Variants in ST6GALNAC3 observed in about 807,000 individuals in gnomAD.
ST6GALNAC3 encodes the protein alpha-N-acetylgalactosaminide alpha-2,6-sialyltransferase 3.
Under a neutral mutation model 32.7 loss-of-function variants are expected in ST6GALNAC3, and 25 were observed. The observed-to-expected ratio is 0.76, with a 90% confidence interval of 0.56 to 1.07. ST6GALNAC3 has a LOEUF of 1.07. Ranked by LOEUF, ST6GALNAC3 falls within the 50% of genes least tolerant of loss-of-function variation. The pLI, the probability that ST6GALNAC3 is intolerant of heterozygous loss-of-function variation, is 0.00. For synonymous variants in ST6GALNAC3, 129 were observed against 133.1 expected (o/e 0.97, Z 0.21); for missense variants, 355 against 382.4 (o/e 0.93, Z 0.60).
intron 1 of ST6GALNAC3, among the ~76,000 whole-genome samples, chr1:76,098,771 A>G (rs577807303): frequency 2.0e-5 from 3 of 152,254 alleles, no homozygotes; most frequent in Admixed American, 6.5e-5. Flanking sequence ...CAAAACAATT[A>G]TACTACAGCC....
At chr1:76,450,419 G>T (rs1208195281) in intron 3 of ST6GALNAC3, among the ~76,000 whole-genome samples, 2 of 152,064 alleles carry the variant, frequency 1.3e-5, no homozygotes, top group African/African-American at 2.4e-5. Flanking sequence ...TTTTTGATGA[G>T]ATTGCTTTTT....
intron 1 of ST6GALNAC3, among the ~76,000 whole-genome samples, chr1:76,099,504 C>T (rs2100770761): frequency 6.6e-6 from 1 of 152,302 alleles, no homozygotes; most frequent in South Asian, 2.1e-4. Context: ...AGAAGGAATG[C>T]ACTGTCGATA....
At chr1:76,300,890 G>T (rs1487216284) in intron 1 of ST6GALNAC3, among the ~76,000 whole-genome samples, 1 of 151,902 alleles carries the variant, frequency 6.6e-6, no homozygotes, top group Non-Finnish European at 1.5e-5. Flanking sequence ...ATTTGAATTT[G>T]ATCTTGAAGG....
rs1649152253 is a variant in ST6GALNAC3, at chr1:76,628,940, G to T, written c.*134G>T. 6.8e-7 allele frequency: 1 copy of T among 1,477,932 alleles called. No individual in the cohort carries two copies. Among genetic ancestry groups the T allele is most frequent in the Non-Finnish European group, 8.9e-7 (1 of 1,125,320 alleles). The allele number at this position is 1,477,932 out of a possible 1,614,324, so 91.6% of individuals were successfully genotyped here. ...ATTATCAAGTTCCTGTACACTCTCA[G>T]ATGTGGATGGTGACTCTGCTAGTAA... On this transcript the variant is annotated 3_prime_UTR_variant, in exon 5 of 5. Coordinates refer to ENST00000328299, the MANE Select transcript of ST6GALNAC3 (RefSeq NM_152996.4).
rs552663349 is a variant in ST6GALNAC3 at position 76,257,358 on chromosome 1, C to T, written c.19-56447C>T. On this transcript the variant is annotated intron_variant, in intron 1 of 4. Coordinates refer to ENST00000328299, the MANE Select transcript of ST6GALNAC3 (RefSeq NM_152996.4). ...ATAGTGGTTCTAAAGCCTGCATGTG[C>T]GTCAGAATAATTTGGGGATTTGAGG... Among the ~76,000 whole-genome samples the T allele has an allele frequency of 1.2e-4, 19 of 152,194 alleles. No individual in the cohort carries two copies. The East Asian group carries it at 1.9e-3, about 15-fold the overall frequency.
intron 1 of ST6GALNAC3, among the ~76,000 whole-genome samples, chr1:76,247,806 C>T (rs1192590784): frequency 6.6e-6 from 1 of 151,778 alleles, no homozygotes; most frequent in African/African-American, 2.4e-5. Context: ...TCCCTGGCTT[C>T]ATCCCCCTTT....
intron 2 of ST6GALNAC3, among the ~76,000 whole-genome samples, chr1:76,386,464 A>G (rs1233952879): frequency 1.7e-5 from 1 of 57,152 alleles, no homozygotes; most frequent in African/African-American, 6.4e-5. Flanking sequence ...TTCTCAGCCA[A>G]GAGGCTCAAG....
At chr1:76,453,911 A>G (rs978142777) in intron 3 of ST6GALNAC3, among the ~76,000 whole-genome samples, 1 of 151,682 alleles carries the variant, frequency 6.6e-6, no homozygotes, top group African/African-American at 2.4e-5. Context: ...GTTGCTGTCT[A>G]TCTCATTTCT....
At chr1:76,297,143 G>T (rs1660451840) in intron 1 of ST6GALNAC3, among the ~76,000 whole-genome samples, 1 of 152,004 alleles carries the variant, frequency 6.6e-6, no homozygotes, top group Non-Finnish European at 1.5e-5. Context: ...CCATTTTGCA[G>T]TTGAGAAATC....
At chr1:76,333,896 C>G (rs1304955052) in intron 2 of ST6GALNAC3, among the ~76,000 whole-genome samples, 5 of 152,024 alleles carry the variant, frequency 3.3e-5, no homozygotes, top group African/African-American at 1.2e-4. Flanking sequence ...GTACTATTTT[C>G]CCATTTTATA....
intron 3 of ST6GALNAC3, among the ~76,000 whole-genome samples, chr1:76,502,717 C>T (rs181568288): frequency 2.6e-4 from 39 of 152,178 alleles, no homozygotes; most frequent in Non-Finnish European, 5.3e-4. Flanking sequence ...AGTATTTAGA[C>T]GTATAAATTT....
At chr1:76,364,809 G>T (rs774985487) in intron 2 of ST6GALNAC3, among the ~76,000 whole-genome samples, 7 of 152,040 alleles carry the variant, frequency 4.6e-5, no homozygotes, top group Non-Finnish European at 8.8e-5. Context: ...CAGAATGACT[G>T]TTAAAAAGTC....
intron 2 of ST6GALNAC3, among the ~76,000 whole-genome samples, chr1:76,377,144 C>A (rs1196467905): frequency 6.6e-6 from 1 of 152,102 alleles, no homozygotes; most frequent in Non-Finnish European, 1.5e-5. Flanking sequence ...AACCAAAGCA[C>A]TTCAGAAGTC....
intron 2 of ST6GALNAC3, among the ~76,000 whole-genome samples, chr1:76,383,762 C>T (rs1651894075): frequency 1.3e-5 from 2 of 152,138 alleles, no homozygotes; most frequent in East Asian, 3.9e-4. Flanking sequence ...GCCAAAAATG[C>T]AGGAGCAGGG....
In ST6GALNAC3 at chr1:76,630,470, A is replaced by AAAG. The variant is rs1649237616; in HGVS notation, c.*1665_*1667dup. The AAAG allele has an allele frequency of 1.0e-6, 1 of 985,110 alleles. No individual in the cohort carries two copies. The highest frequency in any genetic ancestry group is 1.7e-5 in the African/African-American group (1 of 57,188). 61.0% of individuals were successfully genotyped at this position (985,110 alleles called of 1,614,324 possible). ...ATATACTCGTTGCTCATTAAATAGT[A>AAAG]AAGGGTTGATTTGCTGCAAGAGTAG... On this transcript the variant is annotated 3_prime_UTR_variant, in exon 5 of 5. Transcript: ENST00000328299.
At chr1:76,549,461 T>C (rs1341559808) in intron 3 of ST6GALNAC3, among the ~76,000 whole-genome samples, 1 of 151,330 alleles carries the variant, frequency 6.6e-6, no homozygotes, top group Non-Finnish European at 1.5e-5. Flanking sequence ...TAAAATTATA[T>C]AGATTATATA....
chr1:76,431,087 A>G (rs1237226003), intron 3 of ST6GALNAC3, among the ~76,000 whole-genome samples: 1 of 152,174 alleles, frequency 6.6e-6, no homozygotes, highest in Non-Finnish European at 1.5e-5. Flanking sequence ...CAGCCCTGGC[A>G]GCCCCCTCCT....
chr1:76,373,990 C>T (rs1174575055), intron 2 of ST6GALNAC3, among the ~76,000 whole-genome samples: 1 of 152,084 alleles, frequency 6.6e-6, no homozygotes, highest in East Asian at 1.9e-4. Flanking sequence ...TGCCTCTGTT[C>T]AGGGTCCACA....
intron 3 of ST6GALNAC3, among the ~76,000 whole-genome samples, chr1:76,478,957 G>A (rs939016062): frequency 5.9e-5 from 9 of 151,756 alleles, no homozygotes; most frequent in Admixed American, 5.3e-4. Flanking sequence ...TAGAGACGGG[G>A]TTTCACTGTG....
Sources: gnomAD v4.1 joint callset for allele counts (sites outside exome capture counted in the v4.1 genomes callset) on GRCh38, gnomAD v4.1.1 for gene constraint, MANE v1.5 for transcripts, NCBI Gene and HGNC (gene_info 2026-07-23, HGNC 2026-07-21) for gene names.